Variants in MGST2 observed in about 807,000 individuals in gnomAD.
The protein encoded by MGST2 is glutathione peroxidase MGST2.
A neutral mutation model predicts 16.6 loss-of-function variants in MGST2; 9 were observed. The ratio of observed to expected loss-of-function variants is 0.54; its 90% confidence interval spans 0.33 to 0.95. MGST2 has a LOEUF of 0.95. Ranked by LOEUF, MGST2 falls within the 40% of genes least tolerant of loss-of-function variation. The pLI is 0.03. For synonymous variants in MGST2, 79 were observed against 68.0 expected, an observed-to-expected ratio of 1.16 and a Z score of -0.79; for missense variants, 159 against 175.1, an observed-to-expected ratio of 0.91 and a Z score of 0.52.
chr4:139,748,397 C>T, the MGST2 span, among the ~76,000 whole-genome samples: 1 of 152,122 alleles, frequency 6.6e-6, no homozygotes, highest in Non-Finnish European at 1.5e-5. Flanking sequence ...GGAGGAGGGT[C>T]TAGAAATGGA....
At chr4:139,674,160 GACA>G (rs1407598317) in intron 1 of MGST2, among the ~76,000 whole-genome samples, 1 of 152,318 alleles carries the variant, frequency 6.6e-6, no homozygotes, top group African/African-American at 2.4e-5. Flanking sequence ...AGGGGCTCCT[GACA>G]ACATGTGCCC....
chr4:139,667,264 TAAA>T, intron 1 of MGST2, among the ~76,000 whole-genome samples: 1 of 152,104 alleles, frequency 6.6e-6, no homozygotes, highest in East Asian at 1.9e-4. Flanking sequence ...AGGCTGAACT[TAAA>T]ATATGTCAGA....
intron 1 of MGST2, among the ~76,000 whole-genome samples, chr4:139,672,426 G>A (rs1730745832): frequency 6.6e-6 from 1 of 152,124 alleles, no homozygotes; most frequent in African/African-American, 2.4e-5. Flanking sequence ...CTGAGCCCAT[G>A]AGTCATTGGC....
the MGST2 span, among the ~76,000 whole-genome samples, chr4:139,747,221 T>C: frequency 1 from 151,660 of 152,310 alleles, 75,506 homozygotes; most frequent in Middle Eastern, 1. Context: ...AATCCACACC[T>C]TCTGCATCAC....
chr4:139,735,422 G>A lies in MGST2; in HGVS notation c.*49-4790G>A, dbSNP rs933203750. ...GGAGGGCGCGGGAAGGGGACGTGGA[G>A]GGAAACGGAAGGGCTGGGAGTGGGG... On this transcript the variant is annotated intron_variant, in intron 5 of 5. Transcript: ENST00000616265. This position sits in a 1 kb window ranked among gnomAD's most constrained non-coding sequence, Gnocchi z 5.8. 2.0e-5 allele frequency among the ~76,000 whole-genome samples: 3 copies of A among 151,868 alleles called. No homozygotes were observed. The highest frequency in any genetic ancestry group is 4.4e-5 in the Non-Finnish European group (3 of 67,954).
intron 5 of MGST2, among the ~76,000 whole-genome samples, chr4:139,737,469 G>A (rs892059931): frequency 6.6e-6 from 1 of 152,104 alleles, no homozygotes; most frequent in African/African-American, 2.4e-5. Flanking sequence ...AAATGGGAAG[G>A]GGGTGGGGAG....
chr4:139,711,905 C>T (rs1008836728), intron 5 of MGST2, among the ~76,000 whole-genome samples: 1 of 152,086 alleles, frequency 6.6e-6, no homozygotes, highest in South Asian at 2.1e-4. Context: ...ATATTCCTGC[C>T]TAACTATGAG....
intron 5 of MGST2, chr4:139,720,382 C>A (rs1357879625): frequency 1.5e-5 from 21 of 1,435,732 alleles, no homozygotes; most frequent in Non-Finnish European, 1.9e-5. Context: ...TATACTGCAA[C>A]AAGATGTTGG....
chr4:139,710,391 A>T (rs1402839449), intron 5 of MGST2, among the ~76,000 whole-genome samples: 1 of 152,248 alleles, frequency 6.6e-6, no homozygotes, highest in African/African-American at 2.4e-5. Context: ...GATTACATGT[A>T]AGAACTCATT....
downstream of MGST2, among the ~76,000 whole-genome samples, chr4:139,706,313 C>G (rs1232892844): frequency 6.6e-6 from 1 of 152,180 alleles, no homozygotes; most frequent in African/African-American, 2.4e-5. Context: ...GAAGTGAAGA[C>G]TCCAGAACCA....
intron 5 of MGST2, among the ~76,000 whole-genome samples, chr4:139,716,144 G>C (rs1168468375): frequency 6.6e-6 from 1 of 152,176 alleles, no homozygotes; most frequent in Non-Finnish European, 1.5e-5. Context: ...ATCTGAGTTT[G>C]TTCAGACAAG....
chr4:139,754,335 GA>G, the MGST2 span, among the ~76,000 whole-genome samples: 1 of 152,098 alleles, frequency 6.6e-6, no homozygotes, highest in Non-Finnish European at 1.5e-5. Flanking sequence ...GGACAACACA[GA>G]AAAATATAAA....
rs928453613 is a variant in MGST2 at position 139,715,395 on chromosome 4, G to A, written c.*48+11199G>A. On this transcript the variant is annotated intron_variant, in intron 5 of 5. Transcript: ENST00000616265. This position sits in a 1 kb window ranked among gnomAD's most constrained non-coding sequence, Gnocchi z 4.4. ...AGGTTTCTACACTATTGTCCCTTCGGTGGTTGCCAGAAATATGTTGCAGGA... is the reference window on the plus strand; with the variant it reads ...AGGTTTCTACACTATTGTCCCTTCGATGGTTGCCAGAAATATGTTGCAGGA... Among the ~76,000 whole-genome samples, 1 of 152,172 alleles carries A rather than the reference G, an allele frequency of 6.6e-6. No homozygotes were observed. Among genetic ancestry groups the A allele is most frequent in the Non-Finnish European group, 1.5e-5 (1 of 68,028 alleles).
At chr4:139,711,807 T>C (rs1727754487) in intron 5 of MGST2, among the ~76,000 whole-genome samples, 1 of 152,166 alleles carries the variant, frequency 6.6e-6, no homozygotes, top group South Asian at 2.1e-4. Flanking sequence ...TTCCCCCCTT[T>C]CTTTTATAAG....
Position 139,715,023 on chromosome 4 carries a change from C to T in MGST2, c.*48+10827C>T, listed in dbSNP as rs1270484232. ...CCATAGTGCCGAACCTGTTCTTAGC[C>T]GAGAGGGACTTTACCGAAGAGGGGC... On this transcript the variant is annotated intron_variant, in intron 5 of 5. Transcript: ENST00000616265. The surrounding 1 kb of genome is among the most constrained non-coding windows in gnomAD (Gnocchi z 4.4). Among the ~76,000 whole-genome samples, 1 of 152,132 alleles carries T rather than the reference C, an allele frequency of 6.6e-6. No homozygotes were observed. The highest frequency in any genetic ancestry group is 2.4e-5 in the African/African-American group (1 of 41,432).
At chr4:139,753,206 C>T in the MGST2 span, among the ~76,000 whole-genome samples, 1 of 152,150 alleles carries the variant, frequency 6.6e-6, no homozygotes, top group South Asian at 2.1e-4. Context: ...TTTAAGTGTA[C>T]AATTCAGTGG....
At chr4:139,738,309 T>C (rs550412418) in intron 5 of MGST2, among the ~76,000 whole-genome samples, 34 of 152,300 alleles carry the variant, frequency 2.2e-4, no homozygotes, top group African/African-American at 7.9e-4. Context: ...TTTGAGAGGC[T>C]AAGGCGGGTG....
At chr4:139,719,939 C>T (rs1728162186) in intron 5 of MGST2, 2 of 1,614,074 alleles carry the variant, frequency 1.2e-6, no homozygotes, top group Non-Finnish European at 1.7e-6. Context: ...GCCTACTGGC[C>T]CTTTCATCTG....
chr4:139,732,017 G>C (rs1728747010), intron 5 of MGST2, among the ~76,000 whole-genome samples: 1 of 152,202 alleles, frequency 6.6e-6, no homozygotes, highest in Non-Finnish European at 1.5e-5. Flanking sequence ...TAATTAATGT[G>C]AAATGGAGGA....
Sources: gnomAD v4.1 joint callset for allele counts (sites outside exome capture counted in the v4.1 genomes callset) on GRCh38, gnomAD v4.1.1 for gene constraint, Gnocchi (gnomAD v3.1) non-coding constraint, MANE v1.5 for transcripts, NCBI Gene and HGNC (gene_info 2026-07-23, HGNC 2026-07-21) for gene names.